The following RSF1 variants were observed in gnomAD, a reference collection of about 807,000 sequenced individuals.
RSF1 encodes remodeling and spacing factor 1.
Under a neutral mutation model 145.2 loss-of-function variants are expected in RSF1, and 13 were observed. The observed-to-expected ratio is 0.09, with a 90% confidence interval of 0.06 to 0.14. The LOEUF is 0.14. RSF1 is among the 10% of genes least tolerant of loss of function. The pLI is 1.00. For missense variants in RSF1, 1,517 were observed against 1,718.2 expected (o/e 0.88, Z 2.07); for synonymous variants, 577 against 592.6 (o/e 0.97, Z 0.38).
intron 3 of RSF1, among the ~76,000 whole-genome samples, chr11:77,741,229 A>C (rs1460544983): frequency 6.6e-6 from 1 of 152,192 alleles, no homozygotes; most frequent in Non-Finnish European, 1.5e-5. Context: ...AAAACTCCCA[A>C]ATCATCTCAT....
chr11:77,743,164 A>G (rs1947960058), intron 3 of RSF1, among the ~76,000 whole-genome samples: 1 of 152,154 alleles, frequency 6.6e-6, no homozygotes, highest in South Asian at 2.1e-4. Context: ...TTTTGAGATC[A>G]GGTAGTATGA....
At chr11:77,767,327 C>T (rs1018201690) in intron 1 of RSF1, among the ~76,000 whole-genome samples, 1 of 152,138 alleles carries the variant, frequency 6.6e-6, no homozygotes, top group Admixed American at 6.5e-5. Context: ...TATACCTTCT[C>T]GCATCAGAAA....
At chr11:77,737,260 C>A (rs1961376885) in intron 4 of RSF1, among the ~76,000 whole-genome samples, 1 of 152,030 alleles carries the variant, frequency 6.6e-6, no homozygotes, top group African/African-American at 2.4e-5. Context: ...CCAGCATGGT[C>A]AACATGGCAA....
intron 1 of RSF1, among the ~76,000 whole-genome samples, chr11:77,797,328 A>G (rs1192615959): frequency 6.6e-6 from 1 of 152,214 alleles, no homozygotes; most frequent in Non-Finnish European, 1.5e-5. Flanking sequence ...AGTCCAATGG[A>G]GCAAAACAGA....
intron 15 of RSF1, among the ~76,000 whole-genome samples, chr11:77,669,713 G>A (rs1959469436): frequency 6.6e-6 from 1 of 152,192 alleles, no homozygotes; most frequent in Non-Finnish European, 1.5e-5. Context: ...ATCATCAGAG[G>A]TTAGCACATT....
chr11:77,754,069 C>G (rs1303061882), intron 2 of RSF1, among the ~76,000 whole-genome samples: 1 of 152,164 alleles, frequency 6.6e-6, no homozygotes, highest in Admixed American at 6.5e-5. Context: ...TTAGATGATT[C>G]TATCTTGGTA....
chr11:77,795,038 T>G (rs1948557666), intron 1 of RSF1, among the ~76,000 whole-genome samples: 1 of 152,102 alleles, frequency 6.6e-6, no homozygotes, highest in Non-Finnish European at 1.5e-5. Flanking sequence ...CAGTAGCATT[T>G]TTATACACCA....
chr11:77,803,038 G>C (rs566753399), intron 1 of RSF1, among the ~76,000 whole-genome samples: 5 of 152,122 alleles, frequency 3.3e-5, no homozygotes, highest in Non-Finnish European at 7.4e-5. Context: ...TGAACAAATG[G>C]GACGGGATAG....
At chr11:77,855,584 C>G in the RSF1 span, 4 of 152,346 alleles carry the variant, frequency 2.6e-5, no homozygotes, top group African/African-American at 9.7e-5. Flanking sequence ...CCGTCTTGGC[C>G]TCCCAAAGTG....
intron 14 of RSF1, among the ~76,000 whole-genome samples, chr11:77,672,530 A>G (rs1959583533): frequency 6.6e-6 from 1 of 151,860 alleles, no homozygotes; most frequent in African/African-American, 2.4e-5. Context: ...ACTCCTGGCT[A>G]CCTACCAAAG....
chr11:77,781,879 G>C (rs550390872), intron 1 of RSF1, among the ~76,000 whole-genome samples: 1 of 152,060 alleles, frequency 6.6e-6, no homozygotes, highest in African/African-American at 2.4e-5. Context: ...TGTCAGAATT[G>C]TATCTTCCTA....
In RSF1 at chr11:77,739,698, TTAGA is replaced by T. The variant is rs1440610158; in HGVS notation, c.578+1029_578+1032del. The T allele has an allele frequency of 2.6e-5, 4 of 152,156 alleles. No individual in the cohort carries two copies. In the East Asian group the frequency reaches 7.7e-4, roughly 29 times the overall value. The allele number at this position is 152,156 out of a possible 1,614,324, so 9.4% of individuals were successfully genotyped here. On this transcript the variant is annotated intron_variant, in intron 4 of 15. Coordinates refer to ENST00000308488, the MANE Select transcript of RSF1 (RefSeq NM_016578.4). Reference sequence around the variant, plus strand: ...AGGAAAGTTTTTCATAAGCTAGCGGTTAGATAGCTATGAGTTTTCCCTATTTAAT... The same window carrying T: ...AGGAAAGTTTTTCATAAGCTAGCGGTTAGCTATGAGTTTTCCCTATTTAAT...
At position 77,666,024 on chromosome 11, in the gene RSF1, G is replaced by C. The variant is rs1272776905; in HGVS notation, c.*893C>G. On this transcript the variant is annotated 3_prime_UTR_variant, in exon 16 of 16. Transcript: ENST00000308488. ...TATTTCAGATATTTAAACATCAAGT[G>C]GCCAGAAGACAAGAGTTATACTATT... 3 of 151,966 alleles carry C rather than the reference G, an allele frequency of 2.0e-5. No homozygotes were observed. The highest frequency in any genetic ancestry group is 4.4e-5 in the Non-Finnish European group (3 of 67,978). 9.4% of individuals were successfully genotyped at this position (151,966 alleles called of 1,614,324 possible). A position where few individuals can be genotyped will look rare whatever the true frequency, so the allele number is the denominator to read the frequency against.
the RSF1 span, chr11:77,842,661 A>G: frequency 6.2e-7 from 1 of 1,604,406 alleles, no homozygotes. Context: ...ATACTACATG[A>G]GGCTGACCAA....
chr11:77,725,668 G>A lies in RSF1; in HGVS notation c.610C>T (p.Leu204Phe). The change falls in exon 5 of 16, where the codon CTC becomes TTC. Residue 204 changes from leucine to phenylalanine, a missense_variant. By Grantham distance (22) the Leu-to-Phe change is conservative. Coordinates refer to ENST00000308488, the MANE Select transcript of RSF1 (RefSeq NM_016578.4). ...ACAGGATCAATTTGTGCTTTCAGGA[G>A]TGCAAGAGTCTCAGCCAACTCGTTT... The part of the protein sequence containing the change: ...NRNELAETLA[L>F]LKAQIDPVLL... 1.3e-6 allele frequency: 2 copies of A among 1,595,088 alleles called. No homozygotes were observed. The highest frequency in any genetic ancestry group is 1.7e-6 in the Non-Finnish European group (2 of 1,170,392).
intron 4 of RSF1, among the ~76,000 whole-genome samples, chr11:77,738,194 T>C (rs1320227306): frequency 1.3e-5 from 2 of 152,186 alleles, no homozygotes; most frequent in Non-Finnish European, 2.9e-5. Flanking sequence ...AAAAGGTTTA[T>C]TGAGCATGTA....
At chr11:77,797,065 G>A (rs546308534) in intron 1 of RSF1, among the ~76,000 whole-genome samples, 6 of 152,308 alleles carry the variant, frequency 3.9e-5, no homozygotes, top group East Asian at 3.9e-4. Flanking sequence ...AATCAATACC[G>A]TGAAAATGGC....
intron 1 of RSF1, among the ~76,000 whole-genome samples, chr11:77,814,110 G>T (rs1318660804): frequency 2.0e-5 from 3 of 151,668 alleles, no homozygotes; most frequent in South Asian, 2.1e-4. Flanking sequence ...TGAGGCAGGA[G>T]AATCACTTGA....
chr11:77,747,919 T>C (rs2135919335), intron 2 of RSF1, among the ~76,000 whole-genome samples: 1 of 152,128 alleles, frequency 6.6e-6, no homozygotes, highest in Middle Eastern at 3.4e-3. Flanking sequence ...AGGCAAAAAA[T>C]GATACAAAAT....
Sources: allele counts gnomAD v4.1 joint callset (sites outside exome capture counted in the v4.1 genomes callset), GRCh38; gene constraint gnomAD v4.1.1; transcripts MANE v1.5; gene names NCBI Gene and HGNC (gene_info 2026-07-23, HGNC 2026-07-21).